The following SAMD4A variants were observed in gnomAD, a reference collection of about 807,000 sequenced individuals.
SAMD4A encodes protein Smaug homolog 1.
SAMD4A carries 33 observed loss-of-function variants against 81.3 expected under a neutral mutation model. The ratio of observed to expected loss-of-function variants is 0.41; its 90% CI spans 0.31 to 0.54. The LOEUF (loss-of-function observed/expected upper bound fraction) is 0.54. Among genes scored for constraint, SAMD4A ranks in the 20% least tolerant of loss-of-function variants. The pLI, the probability that SAMD4A is intolerant of heterozygous loss-of-function variation, is 0.37. For synonymous variants in SAMD4A, 389 were observed against 382.1 expected, an observed-to-expected ratio of 1.02 and a Z score of -0.21; for missense variants, 854 against 951.1, an observed-to-expected ratio of 0.90 and a Z score of 1.34.
chr14:54,694,693 G>A lies in SAMD4A; in HGVS notation c.197-7369G>A, dbSNP rs114060838. On this transcript the variant is annotated intron_variant, in intron 2 of 12. Coordinates refer to ENST00000554335, the MANE Select transcript of SAMD4A (RefSeq NM_015589.6). The stretch of plus-strand genomic sequence containing the variant: ...CTGGTTTTTGTGCCCTCTGGGAATG[G>A]CCAGCCTCAGACCTCCTGACTGGTC... 8.0e-4 allele frequency: 788 copies of A among 985,426 alleles called. 5 individuals are homozygous for A. The African/African-American group carries it at 0.012, about 15-fold the overall frequency. The allele number at this position is 985,426 out of a possible 1,614,324, so 61.0% of individuals were successfully genotyped here. A position where few individuals can be genotyped will look rare whatever the true frequency, so the allele number is the denominator to read the frequency against.
Position 54,757,425 on chromosome 14 carries a change from G to GTGTGTGTGTGTGTTT in SAMD4A, c.1177-2733_1177-2732insGTGTGTGTGTTTTGT, listed in dbSNP as rs146340671. Among the ~76,000 whole-genome samples, 110 of 136,104 alleles carry GTGTGTGTGTGTGTTT rather than the reference G, an allele frequency of 8.1e-4. 1 individual carries two copies. In the East Asian group the frequency reaches 0.012, roughly 15 times the overall value. The allele number at this position is 136,104 out of a possible 152,430, so 89.3% of individuals were successfully genotyped here. ...TGTGTGTGTGTGTGTGTGTGTGTGTGTGTTTTGTTTTGTTTTGTTTGGTGT... is the reference window on the plus strand; with the variant it reads ...TGTGTGTGTGTGTGTGTGTGTGTGTGTGTGTGTGTGTGTTTTGTTTTGTTTTGTTTTGTTTGGTGT... On this transcript the variant is annotated intron_variant, in intron 6 of 12. Transcript: ENST00000554335.
intron 7 of SAMD4A, 115 bp from the exon 8 acceptor site, chr14:54,764,340 A>C (rs2038481514): frequency 1.4e-6 from 1 of 724,330 alleles, no homozygotes; most frequent in Admixed American, 2.6e-5. Context: ...GCCTTACATA[A>C]AGCCACAGAC....
At chr14:54,658,745 T>C (rs2035577391) in intron 2 of SAMD4A, among the ~76,000 whole-genome samples, 1 of 152,226 alleles carries the variant, frequency 6.6e-6, no homozygotes, top group African/African-American at 2.4e-5. Flanking sequence ...ATGAGGGTCA[T>C]TCCATCTCCC....
intron 2 of SAMD4A, among the ~76,000 whole-genome samples, chr14:54,664,016 GAA>G (rs2035701835): frequency 6.6e-6 from 1 of 152,160 alleles, no homozygotes; most frequent in African/African-American, 2.4e-5. Flanking sequence ...GAGCTGTCTC[GAA>G]AATTATATTG....
At chr14:54,616,676 A>C (rs2034499996) in intron 2 of SAMD4A, among the ~76,000 whole-genome samples, 2 of 152,250 alleles carry the variant, frequency 1.3e-5, no homozygotes, top group South Asian at 4.1e-4. Context: ...AATAGTTGTG[A>C]ATTCCTTTGG....
chr14:54,684,563 A>G (rs896325169), intron 2 of SAMD4A, among the ~76,000 whole-genome samples: 4 of 152,036 alleles, frequency 2.6e-5, no homozygotes, highest in Non-Finnish European at 5.9e-5. Context: ...GGTTGCTGAT[A>G]AGAGGCATCC....
intron 2 of SAMD4A, among the ~76,000 whole-genome samples, chr14:54,611,777 T>C (rs990063763): frequency 4.0e-5 from 6 of 151,532 alleles, no homozygotes; most frequent in African/African-American, 1.5e-4. Context: ...CTCAGGAGGC[T>C]GAGGCATGAG....
At chr14:54,571,189 G>A (rs2033118097) in intron 2 of SAMD4A, among the ~76,000 whole-genome samples, 1 of 152,182 alleles carries the variant, frequency 6.6e-6, no homozygotes, top group Non-Finnish European at 1.5e-5. Context: ...AGAATCTAGT[G>A]ATTCACTGGT....
chr14:54,623,589 G>C (rs970509440), intron 2 of SAMD4A, among the ~76,000 whole-genome samples: 2 of 147,702 alleles, frequency 1.4e-5, no homozygotes, highest in Non-Finnish European at 3.0e-5. Context: ...GGCTAATTCT[G>C]TTGGTAGAAA....
intron 2 of SAMD4A, among the ~76,000 whole-genome samples, chr14:54,676,268 G>T (rs1374338889): frequency 6.6e-6 from 1 of 152,174 alleles, no homozygotes; most frequent in African/African-American, 2.4e-5. Flanking sequence ...TTTCATGGTT[G>T]TACTCAGTTT....
intron 11 of SAMD4A, among the ~76,000 whole-genome samples, chr14:54,781,158 G>A (rs1378047361): frequency 1.3e-5 from 2 of 152,160 alleles, no homozygotes; most frequent in Admixed American, 6.5e-5. Context: ...TGGCAAAACG[G>A]GATTCTATAG....
intron 4 of SAMD4A, among the ~76,000 whole-genome samples, chr14:54,743,867 G>C (rs1213149156): frequency 6.6e-6 from 1 of 152,212 alleles, no homozygotes; most frequent in East Asian, 1.9e-4. Context: ...TGCTTGTTCT[G>C]CTCTGGCCAG....
At chr14:54,682,985 C>T (rs146071606) in intron 2 of SAMD4A, among the ~76,000 whole-genome samples, 304 of 152,318 alleles carry the variant, frequency 2.0e-3, no homozygotes, top group African/African-American at 7.0e-3. Flanking sequence ...GCAGTGCTTC[C>T]GTCATGTGCT....
intron 2 of SAMD4A, among the ~76,000 whole-genome samples, chr14:54,630,961 G>A (rs561071386): frequency 4.1e-4 from 60 of 146,206 alleles, no homozygotes; most frequent in African/African-American, 1.5e-3. Flanking sequence ...TGTGTGATGA[G>A]AAATCGGCTC....
chr14:54,637,142 A>T (rs1209894019), intron 2 of SAMD4A, among the ~76,000 whole-genome samples: 3 of 151,950 alleles, frequency 2.0e-5, no homozygotes, highest in Non-Finnish European at 4.4e-5. Context: ...AGGTGGGTGG[A>T]TCACCTGAGG....
intron 2 of SAMD4A, among the ~76,000 whole-genome samples, chr14:54,667,234 C>T (rs80023642): frequency 6.6e-6 from 1 of 152,098 alleles, no homozygotes; most frequent in Non-Finnish European, 1.5e-5. Context: ...AAGACAAAGT[C>T]GTTAGCTCAG....
At chr14:54,755,679 C>T (rs2038220949) in intron 6 of SAMD4A, among the ~76,000 whole-genome samples, 1 of 152,100 alleles carries the variant, frequency 6.6e-6, no homozygotes. Context: ...GAAACAGAAG[C>T]AGAAGCCTGT....
chr14:54,670,489 G>C (rs1199466509), intron 2 of SAMD4A, among the ~76,000 whole-genome samples: 3 of 151,968 alleles, frequency 2.0e-5, no homozygotes. Context: ...AAGCCTGGGG[G>C]AGGCAGAACT....
chr14:54,620,490 G>A (rs2034590336), intron 2 of SAMD4A, among the ~76,000 whole-genome samples: 1 of 152,162 alleles, frequency 6.6e-6, no homozygotes, highest in South Asian at 2.1e-4. Context: ...CATGGCTGTA[G>A]ACCCAGAAGA....
Sources: allele counts gnomAD v4.1 joint callset (sites outside exome capture counted in the v4.1 genomes callset), GRCh38; gene constraint gnomAD v4.1.1; transcripts MANE v1.5; gene names NCBI Gene and HGNC (gene_info 2026-07-23, HGNC 2026-07-21).